Variants in LAMB4 observed in about 807,000 individuals in gnomAD.
LAMB4 encodes the protein laminin subunit beta 4.
In LAMB4, 196 loss-of-function variants were observed where a neutral mutation model predicts 199.2. The ratio of observed to expected loss-of-function variants is 0.98; its 90% CI spans 0.88 to 1.11. The LOEUF is 1.11. LAMB4 is among the 50% of genes least tolerant of loss of function. LAMB4 has a pLI of 0.00. For missense variants in LAMB4, 2,080 were observed against 2,171.2 expected, an observed-to-expected ratio of 0.96 and a Z score of 0.83; for synonymous variants, 744 against 770.6, an observed-to-expected ratio of 0.97 and a Z score of 0.57.
At chr7:108,097,065 G>C (rs1296696039) in intron 11 of LAMB4, among the ~76,000 whole-genome samples, 1 of 151,932 alleles carries the variant, frequency 6.6e-6, no homozygotes, top group Admixed American at 6.6e-5. Flanking sequence ...GAAACATGTG[G>C]AATGCTGAAA....
intron 20 of LAMB4, 90 bp downstream of exon 20, chr7:108,066,279 A>G: frequency 1.1e-6 from 1 of 951,266 alleles, no homozygotes; most frequent in Non-Finnish European, 1.6e-6. Flanking sequence ...ACACTTAAAT[A>G]TTGTTGAGTC....
At chr7:108,055,001 G>A (rs1161126868) in intron 25 of LAMB4, among the ~76,000 whole-genome samples, 2 of 152,102 alleles carry the variant, frequency 1.3e-5, no homozygotes, top group Non-Finnish European at 2.9e-5. Context: ...ATTTTCCCTA[G>A]GTGTATCATT....
chr7:108,047,225 A>G (rs1033845073), intron 28 of LAMB4, among the ~76,000 whole-genome samples: 2 of 152,128 alleles, frequency 1.3e-5, no homozygotes, highest in African/African-American at 2.4e-5. Context: ...TGAATGACAC[A>G]GGTTGGAACT....
chr7:108,129,365 CTT>C (rs2038903159), intron 1 of LAMB4, among the ~76,000 whole-genome samples: 2 of 152,144 alleles, frequency 1.3e-5, no homozygotes, highest in African/African-American at 2.4e-5. Flanking sequence ...GCCCTTAAGA[CTT>C]TTTCTGGTAC....
rs769401711 is a variant in LAMB4 at position 108,077,072 on chromosome 7, A to G, written c.2004-8T>C. ...GTGGGAAGCAGCATGATTCTGTATT[A>G]AGAAAGATAAAGCAAAAATTCAGAC... is the stretch of plus-strand genomic sequence containing the variant. On this transcript the variant is annotated splice_region_variant and splice_polypyrimidine_tract_variant and intron_variant, in intron 16 of 33. Coordinates refer to ENST00000388781, the MANE Select transcript of LAMB4 (RefSeq NM_007356.3). The G allele has an allele frequency of 6.2e-7, 1 of 1,611,776 alleles. No homozygotes were observed. Among genetic ancestry groups the G allele is most frequent in the Non-Finnish European group, 8.5e-7 (1 of 1,178,882 alleles).
Position 108,029,180 on chromosome 7 carries a change from T to G in LAMB4, c.5009A>C (p.Lys1670Thr), listed in dbSNP as rs756332022. ...ACGTTGGAGAATAGCATATTGTTTTTTCAGCTCAACAAATTCCTGTAACAA... is the reference window on the plus strand; with the variant it reads ...ACGTTGGAGAATAGCATATTGTTTTGTCAGCTCAACAAATTCCTGTAACAA... ...GSLEKEFVEL[K>T]KQYAILQRKT... Residue 1670 changes from lysine to threonine, a missense_variant, in exon 33 of 34, where the codon AAA becomes ACA. Coordinates refer to ENST00000388781, the MANE Select transcript of LAMB4 (RefSeq NM_007356.3). 5.0e-6 allele frequency: 8 copies of G among 1,612,330 alleles called. No homozygotes were observed. Among genetic ancestry groups the G allele is most frequent in the Non-Finnish European group, 6.8e-6 (8 of 1,179,578 alleles).
chr7:108,078,220 C>T lies in LAMB4; in HGVS notation c.1984G>A (p.Ala662Thr). The T allele has an allele frequency of 2.5e-6, 4 of 1,609,256 alleles. No homozygotes were observed. Among genetic ancestry groups the T allele is most frequent in the Non-Finnish European group, 3.4e-6 (4 of 1,177,436 alleles). The change falls in exon 16 of 34, where the codon GCC becomes ACC. Residue 662 changes from alanine (A) to threonine (T), a missense_variant. Physicochemically the swap from Ala to Thr is moderately conservative, Grantham distance 58 (BLOSUM62 0). Coordinates refer to ENST00000388781, the MANE Select transcript of LAMB4 (RefSeq NM_007356.3). The stretch of plus-strand genomic sequence containing the variant: ...ACATACCTCGTAGCCGCTGGTAAGG[C>T]AAAAGACTGAGGCTTTGACTGTAGA... ...KTLQSKPQSF[A>T]LPAATRIMLL...
chr7:108,113,111 C>T (rs2038288389), intron 3 of LAMB4, among the ~76,000 whole-genome samples: 1 of 152,208 alleles, frequency 6.6e-6, no homozygotes, highest in African/African-American at 2.4e-5. Context: ...TTTCAAAGAG[C>T]CTTTCCCTGA....
chr7:108,045,631 T>G (rs1421203122), intron 28 of LAMB4, among the ~76,000 whole-genome samples: 3 of 152,246 alleles, frequency 2.0e-5, no homozygotes, highest in Non-Finnish European at 4.4e-5. Context: ...GGTTTCTATT[T>G]TTTTGAGAAG....
chr7:108,021,038 G>C (rs570320886), downstream of LAMB4, among the ~76,000 whole-genome samples: 1 of 152,138 alleles, frequency 6.6e-6, no homozygotes, highest in Non-Finnish European at 1.5e-5. Context: ...CCCAGTGAAA[G>C]CCTCCTGAGT....
At chr7:108,119,805 T>C (rs748192205) in intron 2 of LAMB4, among the ~76,000 whole-genome samples, 1 of 152,172 alleles carries the variant, frequency 6.6e-6, no homozygotes, top group Admixed American at 6.5e-5. Flanking sequence ...GTGAATGACA[T>C]CAGTGTTGAT....
chr7:108,081,646 T>C lies in LAMB4; in HGVS notation c.1702-1860A>G, dbSNP rs188562978. 4.6e-5 allele frequency among the ~76,000 whole-genome samples: 7 copies of C among 152,314 alleles called. No homozygotes were observed. In the East Asian group the frequency reaches 1.3e-3, roughly 29 times the overall value. On this transcript the variant is annotated intron_variant, in intron 14 of 33. Transcript: ENST00000388781. Reference sequence around the variant, plus strand: ...TTCTGGAGGTAGATAATTTACTGTTTGGCTGGCAGTGAGGGCCGTGGTGGG... The same window carrying C: ...TTCTGGAGGTAGATAATTTACTGTTCGGCTGGCAGTGAGGGCCGTGGTGGG...
intron 3 of LAMB4, among the ~76,000 whole-genome samples, chr7:108,112,313 AGG>A (rs2038256205): frequency 7.4e-6 from 1 of 135,024 alleles, no homozygotes; most frequent in Non-Finnish European, 1.6e-5. Flanking sequence ...AGTTTTGCTT[AGG>A]ATTTTTTTTT....
At chr7:108,055,589 A>G in intron 25 of LAMB4, 43 bp downstream of exon 25, 1 of 1,568,370 alleles carries the variant, frequency 6.4e-7, no homozygotes, top group Non-Finnish European at 8.6e-7. Flanking sequence ...GAGTTAAGGT[A>G]AATCAGGAGT....
intron 6 of LAMB4, among the ~76,000 whole-genome samples, 173 bp from the exon 7 acceptor site, chr7:108,106,745 T>C (rs2038031163): frequency 6.6e-6 from 1 of 152,026 alleles, no homozygotes; most frequent in Non-Finnish European, 1.5e-5. Flanking sequence ...TTAAAGATTT[T>C]TGTAGAGGTG....
In LAMB4 at chr7:108,062,965, G is replaced by A. The variant is rs372994612; in HGVS notation, c.3091C>T (p.Pro1031Ser). The A allele has an allele frequency of 4.4e-6, 7 of 1,591,616 alleles. No individual in the cohort carries two copies. Among genetic ancestry groups the A allele is most frequent in the African/African-American group, 4.1e-5 (3 of 73,580 alleles). Residue 1031 changes from proline to serine, a missense_variant, in exon 23 of 34, where the codon CCC becomes TCC. Transcript: ENST00000388781. ...RCSCHASGVS[P>S]MECPPGGGAC... The stretch of plus-strand genomic sequence containing the variant: ...CCCCCACCAGGGGGACACTCCATGG[G>A]ACTCACGCCGGAAGCATGGCAGGAG...
chr7:108,053,734 G>T (rs1013526113), intron 25 of LAMB4, among the ~76,000 whole-genome samples: 1 of 152,214 alleles, frequency 6.6e-6, no homozygotes, highest in Non-Finnish European at 1.5e-5. Flanking sequence ...GGCTCTTGCA[G>T]TCTCTGTCCA....
At chr7:108,049,626 G>A in intron 26 of LAMB4, 95 bp from the exon 27 acceptor site, 2 of 683,206 alleles carry the variant, frequency 2.9e-6, no homozygotes, top group East Asian at 2.9e-5. Flanking sequence ...TTTGGCTACT[G>A]TCTTGGTCTC....
intron 25 of LAMB4, among the ~76,000 whole-genome samples, chr7:108,054,676 A>G (rs997573458): frequency 1.7e-4 from 26 of 152,164 alleles, no homozygotes; most frequent in Non-Finnish European, 3.7e-4. Context: ...CATCTCTGTC[A>G]TAACTACTCA....
Sources: allele counts gnomAD v4.1 joint callset (sites outside exome capture counted in the v4.1 genomes callset), GRCh38; gene constraint gnomAD v4.1.1; transcripts MANE v1.5; gene names NCBI Gene and HGNC (gene_info 2026-07-23, HGNC 2026-07-21).